CHST9: variants seen among roughly 807,000 people sequenced by gnomAD.
CHST9 encodes the protein carbohydrate sulfotransferase 9.
A neutral mutation model predicts 44.4 loss-of-function variants in CHST9; 41 were observed. That is an observed-to-expected ratio of 0.92 (90% CI 0.72 to 1.20). The LOEUF is 1.20. Ranked by LOEUF, CHST9 falls within the 50% of genes most tolerant of loss-of-function variation. The pLI is 0.00. For synonymous variants in CHST9, 171 were observed against 178.4 expected, an observed-to-expected ratio of 0.96 and a Z score of 0.33; for missense variants, 504 against 516.5, an observed-to-expected ratio of 0.98 and a Z score of 0.23.
intron 4 of CHST9, among the ~76,000 whole-genome samples, chr18:26,974,087 T>G (rs2056587257): frequency 1.3e-5 from 2 of 152,240 alleles, no homozygotes; most frequent in African/African-American, 4.8e-5. Flanking sequence ...GTTCCATCAA[T>G]TCATGGCAGC....
At chr18:27,068,822 G>A (rs1358382883) in intron 2 of CHST9, among the ~76,000 whole-genome samples, 2 of 152,128 alleles carry the variant, frequency 1.3e-5, no homozygotes, top group African/African-American at 2.4e-5. Context: ...ATTTCACATC[G>A]TCATATGTAT....
At chr18:26,961,283 A>G (rs1257059700) in intron 4 of CHST9, among the ~76,000 whole-genome samples, 4 of 152,246 alleles carry the variant, frequency 2.6e-5, no homozygotes, top group Non-Finnish European at 5.9e-5. Flanking sequence ...GTATTTTTAG[A>G]ACAATGTGTA....
intron 2 of CHST9, among the ~76,000 whole-genome samples, chr18:27,053,661 A>C (rs2057615814): frequency 6.6e-6 from 1 of 152,184 alleles, no homozygotes; most frequent in African/African-American, 2.4e-5. Context: ...ATTTCTTAAT[A>C]TAAAATTTAT....
At chr18:26,946,754 A>G (rs2056169222) in intron 4 of CHST9, among the ~76,000 whole-genome samples, 1 of 152,144 alleles carries the variant, frequency 6.6e-6, no homozygotes, top group African/African-American at 2.4e-5. Context: ...CAGTTTTCCC[A>G]ACACCATTTA....
intron 2 of CHST9, among the ~76,000 whole-genome samples, chr18:27,106,343 T>C (rs886702700): frequency 2.6e-5 from 4 of 152,200 alleles, no homozygotes; most frequent in African/African-American, 9.7e-5. Flanking sequence ...ATCATTCTTC[T>C]TAGTTTCCCG....
intron 5 of CHST9, among the ~76,000 whole-genome samples, chr18:26,918,650 G>C (rs2055585915): frequency 1.3e-5 from 2 of 152,062 alleles, no homozygotes; most frequent in Non-Finnish European, 2.9e-5. Context: ...TGAATGAATG[G>C]AATTAGGTCT....
At chr18:27,012,228 G>A (rs1038936310) in intron 4 of CHST9, among the ~76,000 whole-genome samples, 8 of 152,114 alleles carry the variant, frequency 5.3e-5, no homozygotes, top group Non-Finnish European at 1.0e-4. Context: ...AAAAATCTGA[G>A]TATAACTTTT....
intron 2 of CHST9, among the ~76,000 whole-genome samples, chr18:27,054,579 G>C (rs745403281): frequency 1.3e-5 from 2 of 152,138 alleles, no homozygotes; most frequent in East Asian, 1.9e-4. Context: ...TTTTAGACTT[G>C]AGGTTGTGGA....
At position 26,916,670 on chromosome 18, in the gene CHST9, C is replaced by T. The variant is rs1185596504; in HGVS notation, c.921G>A (p.Lys307=). The T allele has an allele frequency of 2.5e-6, 4 of 1,613,788 alleles. No homozygotes were observed. Among genetic ancestry groups the T allele is most frequent in the African/African-American group, 1.3e-5 (1 of 74,914 alleles). ...TTGGTCGATATTTCTTGATAATTGC[C>T]TTTCCGAATACTGGATGGTAATAAC... ...PNSYYHPVFG[K]AIIKKYRPNA... is the part of the protein sequence containing the mutation. Residue 307 remains lysine (K), a synonymous_variant, in exon 6 of 6, where the codon AAG becomes AAA. Coordinates refer to ENST00000618847, the MANE Select transcript of CHST9 (RefSeq NM_031422.6).
rs1338329277 is a variant in CHST9, at chr18:26,914,837, A to G, written c.*1422T>C. The G allele has an allele frequency of 5.0e-6, 2 of 397,224 alleles. No homozygotes were observed. Among genetic ancestry groups the G allele is most frequent in the African/African-American group, 4.1e-5 (2 of 48,588 alleles). 24.6% of individuals were successfully genotyped at this position (397,224 alleles called of 1,614,324 possible). A position where few individuals can be genotyped will look rare whatever the true frequency, so the allele number is the denominator to read the frequency against. ...AATATTTACTGATAAGAAAAAAATG[A>G]TAGCTTAGGAAGAGGAAGATGTTCA... On this transcript the variant is annotated 3_prime_UTR_variant, in exon 6 of 6. Transcript: ENST00000618847.
intron 3 of CHST9, among the ~76,000 whole-genome samples, chr18:27,035,222 T>C (rs1045758425): frequency 2.0e-5 from 3 of 152,194 alleles, no homozygotes; most frequent in Non-Finnish European, 4.4e-5. Context: ...TAATATGTCA[T>C]TGTGGTTTTG....
chr18:26,961,931 G>A (rs571678084), intron 4 of CHST9, among the ~76,000 whole-genome samples: 1 of 152,190 alleles, frequency 6.6e-6, no homozygotes, highest in South Asian at 2.1e-4. Context: ...TTGGTCTTGG[G>A]CTGGCTACTG....
Position 26,907,737 on chromosome 18 carries a change from T to G in CHST9, c.*8522A>C, listed in dbSNP as rs2055388007. ...CCATGTGGCTGGATAATAGTGGGTT[T>G]GATGCAGCTATCAGGTGATTAAGCT... On this transcript the variant is annotated 3_prime_UTR_variant, in exon 6 of 6. Coordinates refer to ENST00000618847, the MANE Select transcript of CHST9 (RefSeq NM_031422.6). 6.5e-6 allele frequency: 1 copy of G among 153,174 alleles called. No homozygotes were observed. Among genetic ancestry groups the G allele is most frequent in the Non-Finnish European group, 1.5e-5 (1 of 68,814 alleles). The allele number at this position is 153,174 out of a possible 1,614,324, so 9.5% of individuals were successfully genotyped here.
chr18:27,158,096 TTTTG>T (rs1336285305), intron 1 of CHST9, among the ~76,000 whole-genome samples: 1 of 152,106 alleles, frequency 6.6e-6, no homozygotes, highest in Non-Finnish European at 1.5e-5. Flanking sequence ...CACAAAGTTT[TTTTG>T]TTTTTTTGTT....
intron 3 of CHST9, among the ~76,000 whole-genome samples, chr18:27,028,619 C>T (rs2057308079): frequency 6.6e-6 from 1 of 152,066 alleles, no homozygotes; most frequent in African/African-American, 2.4e-5. Context: ...ACGATCTCGG[C>T]TCACGGCAAG....
Position 27,016,409 on chromosome 18 carries a change from C to T in CHST9, c.202+7707G>A, listed in dbSNP as rs2057154947. Among the ~76,000 whole-genome samples, 3 of 152,210 alleles carry T rather than the reference C, an allele frequency of 2.0e-5. No homozygotes were observed. The South Asian group carries it at 6.2e-4, about 31-fold the overall frequency. Reference sequence around the variant, plus strand: ...TTCTCCACTGGTTACATGGCTGGATCCCCCTTGATCCAAGTCTGTGATTAG... The same window carrying T: ...TTCTCCACTGGTTACATGGCTGGATTCCCCTTGATCCAAGTCTGTGATTAG... On this transcript the variant is annotated intron_variant, in intron 4 of 5. Coordinates refer to ENST00000618847, the MANE Select transcript of CHST9 (RefSeq NM_031422.6).
At chr18:27,169,823 G>C (rs2058820694) in intron 1 of CHST9, among the ~76,000 whole-genome samples, 1 of 151,842 alleles carries the variant, frequency 6.6e-6, no homozygotes, top group Non-Finnish European at 1.5e-5. Context: ...TAGCCAGGAT[G>C]GTCTCGATCT....
At position 26,941,857 on chromosome 18, in the gene CHST9, C is replaced by T. The variant is rs530352501; in HGVS notation, c.240+2472G>A. Among the ~76,000 whole-genome samples, 116 of 152,288 alleles carry T rather than the reference C, an allele frequency of 7.6e-4. 1 individual carries two copies. The highest frequency in any genetic ancestry group is 2.7e-3 in the African/African-American group (114 of 41,556). ...TCAGAGCTCAGGTGTGGTAAAATAGCCGTGGGCTAAAAGCACAGGCTGGAT... is the reference window on the plus strand; with the variant it reads ...TCAGAGCTCAGGTGTGGTAAAATAGTCGTGGGCTAAAAGCACAGGCTGGAT... On this transcript the variant is annotated intron_variant, in intron 5 of 5. Transcript: ENST00000618847.
chr18:27,133,538 G>A (rs772625261), intron 2 of CHST9, among the ~76,000 whole-genome samples: 8 of 152,170 alleles, frequency 5.3e-5, no homozygotes, highest in Non-Finnish European at 1.0e-4. Context: ...GGACTGAAAT[G>A]TGCATCTGGA....
Sources: gnomAD v4.1 joint callset for allele counts (sites outside exome capture counted in the v4.1 genomes callset) on GRCh38, gnomAD v4.1.1 for gene constraint, MANE v1.5 for transcripts, NCBI Gene and HGNC (gene_info 2026-07-23, HGNC 2026-07-21) for gene names.